RPS12: variants seen among roughly 807,000 people sequenced by gnomAD.
RPS12 encodes the protein small ribosomal subunit protein eS12.
Under a neutral mutation model 17.2 loss-of-function variants are expected in RPS12, and 1 was observed. The ratio of observed to expected loss-of-function variants is 0.06; its 90% confidence interval spans 0.02 to 0.28. The LOEUF is 0.28. RPS12 is among the 10% of genes least tolerant of loss of function. RPS12 has a pLI of 1.00. For missense variants in RPS12, 146 were observed against 162.1 expected (o/e 0.90, Z 0.54); for synonymous variants, 67 against 54.0 (o/e 1.24, Z -1.06).
Position 132,814,585 on chromosome 6 carries a change from G to T in RPS12, c.-66G>T. 1 of 774,850 alleles carries T rather than the reference G, an allele frequency of 1.3e-6. No homozygotes were observed. The highest frequency in any genetic ancestry group is 1.9e-5 in the Admixed American group (1 of 51,352). 48.0% of individuals were successfully genotyped at this position (774,850 alleles called of 1,614,324 possible). ...GGATGAGGCCTCTTTCCCTGCCGCC[G>T]CCGAGTCGCGCGGAGGCGGAGGCTT... On this transcript the variant is annotated 5_prime_UTR_variant, in exon 1 of 6. Transcript: ENST00000230050.
chr6:132,816,465 C>G lies in RPS12; in HGVS notation c.136C>G (p.Gln46Glu), dbSNP rs1782064317. 6.2e-7 allele frequency: 1 copy of G among 1,607,204 alleles called. No homozygotes were observed. The highest frequency in any genetic ancestry group is 8.5e-7 in the Non-Finnish European group (1 of 1,176,430). The change falls in exon 4 of 6, where the codon CAA (glutamine) becomes GAA (glutamate). Residue 46 changes from glutamine to glutamate, a missense_variant. Physicochemically the swap from Gln to Glu is conservative, Grantham distance 29. This residue lies in a region of RPS12 where 117 missense variants were observed against 104.6 expected (regional missense o/e 1.12). Coordinates refer to ENST00000230050, the MANE Select transcript of RPS12 (RefSeq NM_001016.4). Reference protein sequence around the residue: ...REAAKALDKRQAHLCVLASNC... With the variant: ...REAAKALDKREAHLCVLASNC... ...TCATTGTAATTTGAATTTCAGGCGCCAAGCCCATCTTTGTGTGCTTGCATC... is the reference window on the plus strand; with the variant it reads ...TCATTGTAATTTGAATTTCAGGCGCGAAGCCCATCTTTGTGTGCTTGCATC...
chr6:132,816,668 T>C (rs1782068870), intron 4 of RPS12, 105 bp downstream of exon 4: 2 of 834,572 alleles, frequency 2.4e-6, no homozygotes, highest in Admixed American at 1.7e-5. Context: ...GGTGTAAACA[T>C]TACGTGCACC....
intron 3 of RPS12, chr6:132,815,830 T>C (rs1429323833): frequency 2.3e-6 from 1 of 433,028 alleles, no homozygotes; most frequent in Non-Finnish European, 4.5e-6. Context: ...GCCACAGTCT[T>C]TTTTTTTTCT....
Position 132,817,051 on chromosome 6 carries a change from T to C in RPS12, c.326T>C (p.Val109Ala), listed in dbSNP as rs746641020. The change falls in exon 5 of 6, where the codon GTA becomes GCA. Residue 109 changes from valine (V) to alanine (A), a missense_variant. Physicochemically the swap from Val to Ala is moderately conservative, Grantham distance 64. Around this residue, in one of 2 missense-constraint regions of RPS12, gnomAD observed 29 missense variants for 57.5 expected, o/e 0.50. Transcript: ENST00000230050. ...KPRKVVGCSC[V>A]VVKDYGKESQ... ...CGTAAAGTGGTTGGTTGCAGTTGTG[T>C]AGTAGTTAAGGTAAGTCACCGTTTA... 3 of 1,600,354 alleles carry C rather than the reference T, an allele frequency of 1.9e-6. No individual in the cohort carries two copies. Among genetic ancestry groups the C allele is most frequent in the South Asian group, 1.1e-5 (1 of 90,766 alleles).
rs565829500 is a variant in RPS12, at chr6:132,815,542, CTG to C, written c.131+457_131+458del. The C allele has an allele frequency of 2.8e-4, 121 of 432,338 alleles. 3 individuals carry two copies. The East Asian group carries it at 8.3e-3, about 30-fold the overall frequency. 26.8% of individuals were successfully genotyped at this position (432,338 alleles called of 1,614,324 possible). ...CTAGATGAATTTAGTAGTATAATAG[CTG>C]TGATTTATTTGAATTTGGGATATTT... On this transcript the variant is annotated intron_variant, in intron 3 of 5. Transcript: ENST00000230050.
At chr6:132,815,182 A>G (rs1377424478) in intron 3 of RPS12, 94 bp downstream of exon 3, 8 of 833,498 alleles carry the variant, frequency 9.6e-6, no homozygotes, top group African/African-American at 1.7e-5. Context: ...TGTTAGCGCA[A>G]AAGTTCTGAA....
At position 132,814,963 on chromosome 6, in the gene RPS12, G is replaced by C. The variant is rs377325356; in HGVS notation, c.15-9G>C. ...TTTTAACTGATGGTTCTGATGTGTC[G>C]CGTTTAAGCATTGCTGCTGGAGGTG... is the stretch of plus-strand genomic sequence containing the variant. On this transcript the variant is annotated splice_polypyrimidine_tract_variant and intron_variant, in intron 2 of 5. Transcript: ENST00000230050. 6.2e-4 allele frequency: 970 copies of C among 1,573,166 alleles called. No individual in the cohort carries two copies. The highest frequency in any genetic ancestry group is 7.9e-4 in the Non-Finnish European group (902 of 1,142,852).
rs774379189 is a variant in RPS12 at position 132,817,325 on chromosome 6, A to G, written c.337-155A>G. 5.1e-6 allele frequency: 4 copies of G among 784,176 alleles called. No homozygotes were observed. The South Asian group carries it at 5.4e-5, about 11-fold the overall frequency. The allele number at this position is 784,176 out of a possible 1,614,324, so 48.6% of individuals were successfully genotyped here. ...AGCCTTAAGGACATTGAAGTCGTTAAGGTCCCTGAGAATGGCTATAACAAA... is the reference window on the plus strand; with the variant it reads ...AGCCTTAAGGACATTGAAGTCGTTAGGGTCCCTGAGAATGGCTATAACAAA... On this transcript the variant is annotated intron_variant, in intron 5 of 5. Coordinates refer to ENST00000230050, the MANE Select transcript of RPS12 (RefSeq NM_001016.4).
chr6:132,815,945 C>G (rs890851715), intron 3 of RPS12: 4 of 452,928 alleles, frequency 8.8e-6, no homozygotes, highest in Admixed American at 2.4e-5. Context: ...TCAAGCGATT[C>G]TTCTGCCTCC....
intron 4 of RPS12, 166 bp from the exon 5 acceptor site, chr6:132,816,794 A>G (rs567353288): frequency 5.2e-6 from 4 of 770,710 alleles, no homozygotes; most frequent in African/African-American, 1.7e-5. Context: ...CTTGTAGGTG[A>G]TCTTAGTGCT....
chr6:132,815,708 C>T (rs1782035187), intron 3 of RPS12: 1 of 456,508 alleles, frequency 2.2e-6, no homozygotes, highest in South Asian at 1.5e-5. Context: ...CTAGCCAGTT[C>T]AATCCGATGG....
intron 3 of RPS12, chr6:132,815,407 A>G (rs1782025548): frequency 1.8e-6 from 1 of 550,364 alleles, no homozygotes; most frequent in Non-Finnish European, 3.5e-6. Context: ...AGTCAGTCTT[A>G]TACTTATCTG....
intron 5 of RPS12, 46 bp downstream of exon 5, chr6:132,817,107 A>G (rs757885816): frequency 3.4e-6 from 4 of 1,170,818 alleles, no homozygotes; most frequent in Non-Finnish European, 5.1e-6. Flanking sequence ...CTGGGTAATC[A>G]TATAAAACCT....
Position 132,815,099 on chromosome 6 carries a change from C to G in RPS12, c.131+11C>G. 1 of 1,533,560 alleles carries G rather than the reference C, an allele frequency of 6.5e-7. No homozygotes were observed. Among genetic ancestry groups the G allele is most frequent in the Non-Finnish European group, 9.0e-7 (1 of 1,106,654 alleles). The allele number at this position is 1,533,560 out of a possible 1,614,324, so 95.0% of individuals were successfully genotyped here. On this transcript the variant is annotated intron_variant, in intron 3 of 5. Coordinates refer to ENST00000230050, the MANE Select transcript of RPS12 (RefSeq NM_001016.4). ...CAAAGCCTTAGACAAGTACGTGTAT[C>G]AGTCTCAATACTGTGGGTTCTTGCA...
At chr6:132,815,176 A>G in intron 3 of RPS12, 88 bp downstream of exon 3, 1 of 872,992 alleles carries the variant, frequency 1.1e-6, no homozygotes, top group Non-Finnish European at 1.9e-6. Context: ...TCATGGTGTT[A>G]GCGCAAAAGT....
At chr6:132,815,846 C>CTT (rs557381189) in intron 3 of RPS12, 332 of 379,554 alleles carry the variant, frequency 8.7e-4, no homozygotes, top group South Asian at 2.2e-3. Context: ...TTTCTTTTTT[C>CTT]TTTTTTTTTT....
chr6:132,815,410 C>T lies in RPS12; in HGVS notation c.131+322C>T, dbSNP rs748176758. The T allele has an allele frequency of 3.1e-5, 17 of 545,058 alleles. No homozygotes were observed. The East Asian group carries it at 3.8e-4, about 12-fold the overall frequency. The allele number at this position is 545,058 out of a possible 1,614,324, so 33.8% of individuals were successfully genotyped here. On this transcript the variant is annotated intron_variant, in intron 3 of 5. Coordinates refer to ENST00000230050, the MANE Select transcript of RPS12 (RefSeq NM_001016.4). ...GGTTGTGGAGCTAGTCAGTCTTATA[C>T]TTATCTGGCAGATAGATGAGATGGA...
intron 3 of RPS12, chr6:132,815,934 T>G (rs1782046684): frequency 2.2e-6 from 1 of 453,032 alleles, no homozygotes; most frequent in African/African-American, 2.0e-5. Flanking sequence ...ACCTACCAGG[T>G]TCAAGCGATT....
intron 5 of RPS12, 23 bp from the exon 6 acceptor site, chr6:132,817,457 A>G (rs760295349): frequency 4.1e-6 from 6 of 1,470,242 alleles, no homozygotes; most frequent in African/African-American, 1.4e-5. Context: ...AAGAAATTGC[A>G]TGCGTGTTTT....
Sources: gnomAD v4.1 joint callset for allele counts on GRCh38, gnomAD v4.1.1 for gene constraint, gnomAD v4.1.1 regional missense constraint, MANE v1.5 for transcripts, NCBI Gene and HGNC (gene_info 2026-07-23, HGNC 2026-07-21) for gene names.